The following ZBTB16 variants were observed in gnomAD, a reference collection of about 807,000 sequenced individuals.
ZBTB16 encodes the protein zinc finger and BTB domain-containing protein 16.
Under a neutral mutation model 56.8 loss-of-function variants are expected in ZBTB16, and 8 were observed. The observed-to-expected ratio is 0.14, with a 90% CI of 0.08 to 0.25. The LOEUF (loss-of-function observed/expected upper bound fraction) is 0.25, where lower values mean the gene tolerates loss of function less well. Among genes scored for constraint, ZBTB16 ranks in the 10% least tolerant of loss-of-function variants. The pLI, the probability that ZBTB16 is intolerant of heterozygous loss-of-function variation, is 1.00. For missense variants in ZBTB16, 625 were observed against 903.0 expected, an observed-to-expected ratio of 0.69 and a Z score of 3.95; for synonymous variants, 363 against 368.5, an observed-to-expected ratio of 0.98 and a Z score of 0.17.
At chr11:114,152,460 C>T (rs915032364) in intron 2 of ZBTB16, among the ~76,000 whole-genome samples, 2 of 152,200 alleles carry the variant, frequency 1.3e-5, no homozygotes, top group African/African-American at 2.4e-5. Flanking sequence ...CATAATGATT[C>T]AGCTTTCTTG....
Position 114,060,825 on chromosome 11 carries a change from G to C in ZBTB16, c.-91+943G>C, listed in dbSNP as rs575623432. 1.3e-5 allele frequency among the ~76,000 whole-genome samples: 2 copies of C among 152,174 alleles called. No individual in the cohort carries two copies. The highest frequency in any genetic ancestry group is 2.4e-5 in the African/African-American group (1 of 41,548). ...TGGCCGCTGGCGCCGCTGGCCAGAG[G>C]CCTGGGACCCAGCCGGTCGCTCCCA... On this transcript the variant is annotated intron_variant, in intron 1 of 6. Transcript: ENST00000335953. This position sits in a 1 kb window ranked among gnomAD's most constrained non-coding sequence, Gnocchi z 6.0.
chr11:114,095,736 A>G (rs1565622870), intron 2 of ZBTB16, among the ~76,000 whole-genome samples: 1 of 152,134 alleles, frequency 6.6e-6, no homozygotes, highest in Non-Finnish European at 1.5e-5. Context: ...AGGAGAGTAA[A>G]CCCTAAATCC....
chr11:114,144,147 A>G (rs978516504), intron 2 of ZBTB16, among the ~76,000 whole-genome samples: 1 of 150,450 alleles, frequency 6.6e-6, no homozygotes, highest in Non-Finnish European at 1.5e-5. Flanking sequence ...CATGCACACA[A>G]TCCCCTTTCT....
chr11:114,232,376 C>T lies in ZBTB16; in HGVS notation c.1454-9791C>T, dbSNP rs552401508. Among the ~76,000 whole-genome samples, 8 of 152,300 alleles carry T rather than the reference C, an allele frequency of 5.3e-5. No individual in the cohort carries two copies. In the South Asian group the frequency reaches 1.0e-3, roughly 20 times the overall value. ...CAGGTGCCTGTCTCTCTCCTTTGAACTTCATTTCTACAGAACAAGCAGTGT... is the reference window on the plus strand; with the variant it reads ...CAGGTGCCTGTCTCTCTCCTTTGAATTTCATTTCTACAGAACAAGCAGTGT... On this transcript the variant is annotated intron_variant, in intron 4 of 6. Transcript: ENST00000335953.
At chr11:114,101,015 T>C (rs994880856) in intron 2 of ZBTB16, among the ~76,000 whole-genome samples, 5 of 151,974 alleles carry the variant, frequency 3.3e-5, no homozygotes, top group Non-Finnish European at 7.4e-5. Context: ...TGTTTGTTTG[T>C]TTTGAGACAG....
rs190465017 is a variant in ZBTB16 at position 114,086,368 on chromosome 11, G to C, written c.1268+21800G>C. The stretch of plus-strand genomic sequence containing the variant: ...AGCCTTCAAGACCTCCTCAAGTCAG[G>C]CTTCTCTGGGAAGCGCTGTCTGTCT... On this transcript the variant is annotated intron_variant, in intron 2 of 6. Coordinates refer to ENST00000335953, the MANE Select transcript of ZBTB16 (RefSeq NM_006006.6). Among the ~76,000 whole-genome samples, 288 of 151,990 alleles carry C rather than the reference G, an allele frequency of 1.9e-3. 6 individuals carry two copies. Among genetic ancestry groups the C allele is most frequent in the Non-Finnish European group, 3.7e-4 (25 of 68,014 alleles).
rs541648463 is a variant in ZBTB16, at chr11:114,187,103, T to C, written c.1453+65T>C. The C allele has an allele frequency of 1.2e-5, 19 of 1,526,760 alleles. No homozygotes were observed. In the African/African-American group the frequency reaches 2.2e-4, roughly 18 times the overall value. 94.6% of individuals were successfully genotyped at this position (1,526,760 alleles called of 1,614,324 possible). A position where few individuals can be genotyped will look rare whatever the true frequency, so the allele number is the denominator to read the frequency against. On this transcript the variant is annotated intron_variant, in intron 4 of 6. Transcript: ENST00000335953. ...GTGTTGGTAGCACATGGACATGAAC[T>C]GTCTGGGTGGCAACCTCTTTTTAGC...
At chr11:114,139,904 T>C (rs17116483) in intron 2 of ZBTB16, among the ~76,000 whole-genome samples, 1,757 of 152,266 alleles carry the variant, frequency 0.012, 45 homozygotes, top group African/African-American at 0.04. Flanking sequence ...TAGTACCATA[T>C]GTCAGGATAG....
chr11:114,162,721 T>C (rs572934348), intron 3 of ZBTB16, among the ~76,000 whole-genome samples: 1 of 152,128 alleles, frequency 6.6e-6, no homozygotes, highest in Non-Finnish European at 1.5e-5. Flanking sequence ...TGGGGGCGCC[T>C]TTGGTTTTTG....
intron 2 of ZBTB16, among the ~76,000 whole-genome samples, chr11:114,144,200 ACACACACACACACTCC>A (rs1221069716): frequency 6.6e-6 from 1 of 151,750 alleles, no homozygotes; most frequent in East Asian, 1.9e-4. Flanking sequence ...ACACACACAC[ACACACACACACACTCC>A]CACGCACACT....
At position 114,143,717 on chromosome 11, in the gene ZBTB16, C is replaced by T. The variant is rs1430113783; in HGVS notation, c.1269-12620C>T. Among the ~76,000 whole-genome samples, 1 of 152,214 alleles carries T rather than the reference C, an allele frequency of 6.6e-6. No individual in the cohort carries two copies. Among genetic ancestry groups the T allele is most frequent in the Non-Finnish European group, 1.5e-5 (1 of 68,050 alleles). On this transcript the variant is annotated intron_variant, in intron 2 of 6. Transcript: ENST00000335953. The surrounding 1 kb of genome is among the most constrained non-coding windows in gnomAD (Gnocchi z 6.4). ...TTCTCCTCCATGCCATGGACCGTCGCTGCATCATCTAAGCACAGGGCACCC... is the reference window on the plus strand; with the variant it reads ...TTCTCCTCCATGCCATGGACCGTCGTTGCATCATCTAAGCACAGGGCACCC...
intron 4 of ZBTB16, among the ~76,000 whole-genome samples, chr11:114,214,758 C>A (rs924386100): frequency 5.9e-5 from 9 of 152,222 alleles, no homozygotes; most frequent in African/African-American, 2.2e-4. Context: ...CATGCGCCAC[C>A]ACATCCGGCT....
chr11:114,225,698 A>G (rs143454515), intron 4 of ZBTB16, among the ~76,000 whole-genome samples: 1 of 152,310 alleles, frequency 6.6e-6, no homozygotes, highest in Non-Finnish European at 1.5e-5. Flanking sequence ...TCAAGTTTTC[A>G]ACACAGGAAC....
chr11:114,208,464 G>A (rs946961003), intron 4 of ZBTB16, among the ~76,000 whole-genome samples: 2 of 152,080 alleles, frequency 1.3e-5, no homozygotes, highest in Non-Finnish European at 2.9e-5. Context: ...CCTCAAAAAG[G>A]GATGTGAGGA....
At chr11:114,163,194 G>C in intron 3 of ZBTB16, among the ~76,000 whole-genome samples, 1 of 88,798 alleles carries the variant, frequency 1.1e-5, no homozygotes, top group African/African-American at 5.2e-5. Flanking sequence ...CCCGTCCTCA[G>C]TCCCCCCCCA....
intron 2 of ZBTB16, among the ~76,000 whole-genome samples, chr11:114,119,081 A>G (rs1351759165): frequency 6.6e-6 from 1 of 152,034 alleles, no homozygotes; most frequent in Non-Finnish European, 1.5e-5. Flanking sequence ...CCTGGTCAAC[A>G]TGGTGAAACC....
At chr11:114,231,643 C>G (rs559790065) in intron 4 of ZBTB16, among the ~76,000 whole-genome samples, 2 of 152,206 alleles carry the variant, frequency 1.3e-5, no homozygotes, top group Non-Finnish European at 2.9e-5. Context: ...TGGCACCCAG[C>G]AGGTGCCCAG....
intron 4 of ZBTB16, among the ~76,000 whole-genome samples, chr11:114,233,060 T>C (rs1322166938): frequency 5.2e-5 from 4 of 77,514 alleles, no homozygotes; most frequent in South Asian, 6.1e-4. Flanking sequence ...CTACTGCACA[T>C]ACGCATGCGC....
intron 2 of ZBTB16, among the ~76,000 whole-genome samples, chr11:114,071,838 G>GT (rs1269368713): frequency 6.6e-6 from 1 of 152,130 alleles, no homozygotes; most frequent in African/African-American, 2.4e-5. Context: ...CCACCCCCAC[G>GT]TTTTACAGAT....
Sources: allele counts gnomAD v4.1 joint callset (sites outside exome capture counted in the v4.1 genomes callset), GRCh38; gene constraint gnomAD v4.1.1; non-coding constraint Gnocchi (gnomAD v3.1); transcripts MANE v1.5; gene names NCBI Gene and HGNC (gene_info 2026-07-23, HGNC 2026-07-21).